Variants in KCNH5 observed in about 807,000 individuals in gnomAD.
KCNH5 encodes the protein potassium voltage-gated channel subfamily H member 5, also known as voltage-gated delayed rectifier potassium channel KCNH5.
Under a neutral mutation model 96.1 loss-of-function variants are expected in KCNH5, and 46 were observed. The ratio of observed to expected loss-of-function variants is 0.48; its 90% CI spans 0.38 to 0.61. The LOEUF is 0.61. Among genes scored for constraint, KCNH5 ranks in the 20% least tolerant of loss-of-function variants. The pLI, the probability that KCNH5 is intolerant of heterozygous loss-of-function variation, is 0.00. For missense variants in KCNH5, 907 were observed against 1,225.8 expected (o/e 0.74, Z 3.88); for synonymous variants, 439 against 449.8 (o/e 0.98, Z 0.30).
intron 7 of KCNH5, among the ~76,000 whole-genome samples, chr14:62,928,015 T>A (rs1031229753): frequency 6.6e-6 from 1 of 152,214 alleles, no homozygotes; most frequent in Middle Eastern, 3.4e-3. Context: ...GCCAGAGAGA[T>A]AACTATGCCA....
At chr14:62,904,786 A>T (rs77085073) in intron 7 of KCNH5, among the ~76,000 whole-genome samples, 3,196 of 152,090 alleles carry the variant, frequency 0.021, 60 homozygotes, top group East Asian at 0.082. Context: ...TTCTCATTTC[A>T]TTTTCCCCCA....
intron 10 of KCNH5, among the ~76,000 whole-genome samples, chr14:62,730,849 T>A (rs1885033770): frequency 6.6e-6 from 1 of 152,226 alleles, no homozygotes; most frequent in Non-Finnish European, 1.5e-5. Flanking sequence ...ACAACTGGGT[T>A]GTATTTAACT....
intron 7 of KCNH5, among the ~76,000 whole-genome samples, chr14:62,920,294 C>T (rs1889355329): frequency 6.6e-6 from 1 of 152,020 alleles, no homozygotes; most frequent in Admixed American, 6.6e-5. Context: ...AGATTAGCAG[C>T]CCCCAGAGAA....
chr14:62,998,869 A>C (rs1045318902), intron 4 of KCNH5, among the ~76,000 whole-genome samples: 1 of 152,126 alleles, frequency 6.6e-6, no homozygotes, highest in African/African-American at 2.4e-5. Flanking sequence ...CCAGAATGTT[A>C]TCTCTCTGGT....
intron 1 of KCNH5, among the ~76,000 whole-genome samples, chr14:63,035,599 A>G (rs924527553): frequency 3.9e-4 from 59 of 152,208 alleles, no homozygotes; most frequent in African/African-American, 1.4e-3. Context: ...AGTAAGCAGA[A>G]CTGATACTTC....
chr14:62,896,559 A>G (rs560286027), intron 7 of KCNH5, among the ~76,000 whole-genome samples: 4 of 152,372 alleles, frequency 2.6e-5, no homozygotes, highest in African/African-American at 9.6e-5. Flanking sequence ...TTCCTAAGGT[A>G]GATTCACGGT....
At chr14:62,883,528 T>C (rs961816581) in intron 7 of KCNH5, among the ~76,000 whole-genome samples, 4 of 152,114 alleles carry the variant, frequency 2.6e-5, no homozygotes, top group Non-Finnish European at 5.9e-5. Context: ...TAGTGTTCAT[T>C]AATACTAGAC....
intron 7 of KCNH5, among the ~76,000 whole-genome samples, chr14:62,888,297 G>A (rs1055050242): frequency 2.0e-5 from 3 of 152,190 alleles, no homozygotes; most frequent in Non-Finnish European, 4.4e-5. Flanking sequence ...GTTGCAGATT[G>A]TTGTAAAAGG....
At chr14:63,040,844 G>A (rs1455879740) in intron 1 of KCNH5, among the ~76,000 whole-genome samples, 1 of 151,948 alleles carries the variant, frequency 6.6e-6, no homozygotes, top group Non-Finnish European at 1.5e-5. Context: ...TGTGCAACCA[G>A]CTATCTCAAG....
chr14:62,723,543 G>GAC (rs1884860768), intron 10 of KCNH5, among the ~76,000 whole-genome samples: 1 of 152,176 alleles, frequency 6.6e-6, no homozygotes, highest in South Asian at 2.1e-4. Flanking sequence ...TGGATGTATA[G>GAC]ACATTCATTC....
intron 7 of KCNH5, among the ~76,000 whole-genome samples, chr14:62,854,004 CAA>C (rs548263620): frequency 5.9e-5 from 5 of 84,198 alleles, no homozygotes; most frequent in Non-Finnish European, 2.4e-5. Flanking sequence ...GAGACTCTGT[CAA>C]AAAAAAAAAA....
chr14:63,044,830 A>G (rs1487911194), intron 1 of KCNH5, among the ~76,000 whole-genome samples: 1 of 152,156 alleles, frequency 6.6e-6, no homozygotes, highest in East Asian at 1.9e-4. Context: ...TATGTTCCAG[A>G]TGTACCTACA....
chr14:62,818,919 T>C (rs1005707003), intron 8 of KCNH5, among the ~76,000 whole-genome samples: 3 of 152,156 alleles, frequency 2.0e-5, no homozygotes, highest in Admixed American at 6.5e-5. Flanking sequence ...AATCGGTAAA[T>C]AAGATACAGG....
Position 62,799,726 on chromosome 14 carries a change from T to TATATATATATATAC in KCNH5, c.1822+2602_1822+2603insGTATATATATATAT, listed in dbSNP as rs1213484157. Among the ~76,000 whole-genome samples the TATATATATATATAC allele has an allele frequency of 4.1e-3, 282 of 68,488 alleles. 2 individuals are homozygous for TATATATATATATAC. The highest frequency in any genetic ancestry group is 6.5e-3 in the Non-Finnish European group (224 of 34,538). The allele number at this position is 68,488 out of a possible 152,430, so 44.9% of individuals were successfully genotyped here. On this transcript the variant is annotated intron_variant, in intron 9 of 10. Transcript: ENST00000322893. ...ATATATATATATATATATATATATA[T>TATATATATATATAC]ACACACACACACACACACATATCAG... is the stretch of plus-strand genomic sequence containing the variant.
chr14:62,939,548 C>T (rs1293457416), intron 7 of KCNH5, among the ~76,000 whole-genome samples: 1 of 152,194 alleles, frequency 6.6e-6, no homozygotes, highest in Admixed American at 6.5e-5. Context: ...ATCATACATT[C>T]AGCTGAATTT....
intron 4 of KCNH5, among the ~76,000 whole-genome samples, chr14:63,000,799 G>A (rs776029753): frequency 6.6e-5 from 10 of 152,128 alleles, no homozygotes; most frequent in Non-Finnish European, 1.3e-4. Flanking sequence ...GCTCAGCCAG[G>A]TGTATGGCCC....
intron 7 of KCNH5, among the ~76,000 whole-genome samples, chr14:62,910,940 CA>C (rs1304228461): frequency 1.0e-3 from 140 of 139,106 alleles, no homozygotes; most frequent in African/African-American, 3.1e-3. Context: ...CACACACACA[CA>C]CCCCTCTGTT....
intron 7 of KCNH5, among the ~76,000 whole-genome samples, chr14:62,889,164 A>G (rs923710434): frequency 3.9e-5 from 6 of 152,220 alleles, no homozygotes; most frequent in African/African-American, 1.4e-4. Context: ...GTACCTGATG[A>G]CAAAGGCTAC....
chr14:62,989,469 A>G (rs1890770552), intron 4 of KCNH5, among the ~76,000 whole-genome samples: 1 of 152,038 alleles, frequency 6.6e-6, no homozygotes, highest in African/African-American at 2.4e-5. Flanking sequence ...GTATTTTCAC[A>G]TGTTACAATC....
Sources: allele counts gnomAD v4.1 joint callset (sites outside exome capture counted in the v4.1 genomes callset), GRCh38; gene constraint gnomAD v4.1.1; transcripts MANE v1.5; gene names NCBI Gene and HGNC (gene_info 2026-07-23, HGNC 2026-07-21).